Variants in THSD4 observed in about 807,000 individuals in gnomAD.
THSD4 encodes the protein thrombospondin type 1 domain containing 4.
A neutral mutation model predicts 119.0 loss-of-function variants in THSD4; 69 were observed. That is an observed-to-expected ratio of 0.58 (90% CI 0.48 to 0.71). The LOEUF (loss-of-function observed/expected upper bound fraction) is 0.71, where lower values mean the gene tolerates loss of function less well. Ranked by LOEUF, THSD4 falls within the 30% of genes least tolerant of loss-of-function variation. The pLI, the probability that THSD4 is intolerant of heterozygous loss-of-function variation, is 0.00. For missense variants in THSD4, 1,393 were observed against 1,391.1 expected, an observed-to-expected ratio of 1.00 and a Z score of -0.02; for synonymous variants, 524 against 540.4, an observed-to-expected ratio of 0.97 and a Z score of 0.42.
chr15:71,463,282 T>C (rs549339748), intron 7 of THSD4, among the ~76,000 whole-genome samples: 24 of 152,304 alleles, frequency 1.6e-4, no homozygotes, highest in African/African-American at 5.5e-4. Flanking sequence ...GAGCATTCCG[T>C]CTATCTTTGT....
At chr15:71,200,090 T>C (rs1256985831) in intron 3 of THSD4, among the ~76,000 whole-genome samples, 1 of 152,122 alleles carries the variant, frequency 6.6e-6, no homozygotes, top group Non-Finnish European at 1.5e-5. Flanking sequence ...ATCAGAGTGC[T>C]AGGGGTGGTG....
intron 6 of THSD4, among the ~76,000 whole-genome samples, chr15:71,328,321 G>A (rs2045373591): frequency 6.6e-6 from 1 of 152,118 alleles, no homozygotes; most frequent in African/African-American, 2.4e-5. Flanking sequence ...AGAAGACATC[G>A]ATTGCTGCAT....
At position 71,777,326 on chromosome 15, in the gene THSD4, C is replaced by T. The variant is rs749716379; in HGVS notation, c.3009C>T (p.Ser1003=). The change falls in exon 18 of 18, where the codon TCC becomes TCT. Residue 1003 remains serine, a synonymous_variant. Coordinates refer to ENST00000261862, the MANE Select transcript of THSD4 (RefSeq NM_024817.3). ...YNYYKTACCA[S]CTRVANRQTG... ...ACTACAAGACCGCCTGCTGTGCCTC[C>T]TGCACCCGTGTGGCCAACAGGCAGA... The T allele has an allele frequency of 6.2e-6, 10 of 1,614,240 alleles. No homozygotes were observed. The South Asian group carries it at 1.1e-4, about 18-fold the overall frequency.
At chr15:71,360,751 G>C (rs2045883495) in intron 6 of THSD4, among the ~76,000 whole-genome samples, 1 of 152,210 alleles carries the variant, frequency 6.6e-6, no homozygotes, top group Non-Finnish European at 1.5e-5. Flanking sequence ...TTACAAGGGA[G>C]CATATTCAAA....
At position 71,243,058 on chromosome 15, in the gene THSD4, A is replaced by G. The variant is rs1423310604; in HGVS notation, c.874A>G (p.Ile292Val). 2 of 1,614,134 alleles carry G rather than the reference A, an allele frequency of 1.2e-6. No homozygotes were observed. Among genetic ancestry groups the G allele is most frequent in the Non-Finnish European group, 1.7e-6 (2 of 1,180,006 alleles). The part of the protein sequence containing the change: ...QPARSTAISC[I>V]GAYRQYKLCN... ...TGCCCGATCTACAGCAATCTCATGC[A>G]TCGGGGCCTATCGGCAGTACAAGCT... The change falls in exon 5 of 18, where the codon ATC (isoleucine) becomes GTC (valine). Residue 292 changes from isoleucine (I) to valine (V), a missense_variant. Coordinates refer to ENST00000261862, the MANE Select transcript of THSD4 (RefSeq NM_024817.3).
intron 5 of THSD4, among the ~76,000 whole-genome samples, chr15:71,251,167 G>T (rs571670294): frequency 6.6e-6 from 1 of 152,136 alleles, no homozygotes; most frequent in Non-Finnish European, 1.5e-5. Flanking sequence ...TAACTGGAGC[G>T]AAATTTTGGC....
intron 7 of THSD4, among the ~76,000 whole-genome samples, chr15:71,544,605 C>T (rs2048809049): frequency 6.6e-6 from 1 of 152,098 alleles, no homozygotes; most frequent in Non-Finnish European, 1.5e-5. Flanking sequence ...GGTAGCTTCT[C>T]AAAAAGTTAA....
intron 7 of THSD4, among the ~76,000 whole-genome samples, chr15:71,585,138 G>A (rs994678120): frequency 6.6e-6 from 1 of 152,090 alleles, no homozygotes; most frequent in Non-Finnish European, 1.5e-5. Flanking sequence ...ACAATATTGG[G>A]TTATTCTGAT....
intron 3 of THSD4, chr15:71,183,885 GC>G (rs1449564945): frequency 6.6e-6 from 1 of 151,780 alleles, no homozygotes; most frequent in Admixed American, 6.6e-5. Flanking sequence ...AGAAACTCTT[GC>G]GTTGTGACAA....
chr15:71,634,486 C>A (rs1301820099), intron 7 of THSD4, among the ~76,000 whole-genome samples: 1 of 152,214 alleles, frequency 6.6e-6, no homozygotes, highest in African/African-American at 2.4e-5. Context: ...TAAGCACAAG[C>A]ACATCTGCGT....
chr15:71,445,513 A>G (rs578076921), intron 7 of THSD4, among the ~76,000 whole-genome samples: 1 of 152,182 alleles, frequency 6.6e-6, no homozygotes, highest in Non-Finnish European at 1.5e-5. Context: ...TTCATTCTTC[A>G]CCAGGTGTTA....
intron 8 of THSD4, among the ~76,000 whole-genome samples, chr15:71,708,778 T>C (rs2052445650): frequency 6.6e-6 from 1 of 152,136 alleles, no homozygotes; most frequent in African/African-American, 2.4e-5. Flanking sequence ...TCTGAGGAAG[T>C]TTTTAAGTCA....
At chr15:71,574,871 C>T (rs575366046) in intron 7 of THSD4, among the ~76,000 whole-genome samples, 2 of 152,126 alleles carry the variant, frequency 1.3e-5, no homozygotes, top group East Asian at 1.9e-4. Flanking sequence ...GAAACTGTTA[C>T]AATCTAGTCC....
At chr15:71,634,250 G>A (rs1411939618) in intron 7 of THSD4, among the ~76,000 whole-genome samples, 1 of 82,412 alleles carries the variant, frequency 1.2e-5, no homozygotes, top group Non-Finnish European at 2.8e-5. Context: ...CTGGGTTGCT[G>A]TGAGGATTAG....
chr15:71,642,900 T>C (rs1369721008), intron 7 of THSD4, among the ~76,000 whole-genome samples: 2 of 152,062 alleles, frequency 1.3e-5, no homozygotes, highest in Non-Finnish European at 2.9e-5. Context: ...TGTATACATA[T>C]GTAACTAACC....
intron 1 of THSD4, among the ~76,000 whole-genome samples, chr15:71,107,977 C>T (rs2040281130): frequency 6.6e-6 from 1 of 152,206 alleles, no homozygotes; most frequent in Non-Finnish European, 1.5e-5. Context: ...CGTTTTCTGT[C>T]CATTCCACTC....
chr15:71,247,337 A>AACATTG (rs1329084274), intron 5 of THSD4, among the ~76,000 whole-genome samples: 5 of 152,170 alleles, frequency 3.3e-5, no homozygotes, highest in African/African-American at 4.8e-5. Context: ...CCATAAGCAT[A>AACATTG]ACATTGACGT....
At chr15:71,583,418 A>G (rs541786857) in intron 7 of THSD4, among the ~76,000 whole-genome samples, 6 of 150,548 alleles carry the variant, frequency 4.0e-5, no homozygotes, top group South Asian at 2.1e-4. Context: ...TTTCTGCTAT[A>G]ATCTTTATTA....
chr15:71,276,186 G>A (rs980479515), intron 6 of THSD4, among the ~76,000 whole-genome samples: 3 of 152,172 alleles, frequency 2.0e-5, no homozygotes, highest in Non-Finnish European at 2.9e-5. Flanking sequence ...GGTAAAATCT[G>A]CCTTGGTACA....
Sources: allele counts gnomAD v4.1 joint callset (sites outside exome capture counted in the v4.1 genomes callset), GRCh38; gene constraint gnomAD v4.1.1; transcripts MANE v1.5; gene names NCBI Gene and HGNC (gene_info 2026-07-23, HGNC 2026-07-21).